Variants in GLB1 observed in about 807,000 individuals in gnomAD.
The protein encoded by GLB1 is galactosidase beta 1, also known as beta-galactosidase.
GLB1 carries 56 observed loss-of-function variants against 74.0 expected under a neutral mutation model. That is an observed-to-expected ratio of 0.76 (90% CI 0.61 to 0.94). The LOEUF is 0.94. Among genes scored for constraint, GLB1 ranks in the 40% least tolerant of loss-of-function variants. The pLI is 0.00. For missense variants in GLB1, 787 were observed against 845.5 expected (o/e 0.93, Z 0.86); for synonymous variants, 323 against 323.6 (o/e 1.00, Z 0.02).
the GLB1 span, among the ~76,000 whole-genome samples, chr3:32,987,428 C>T: frequency 6.6e-6 from 1 of 152,198 alleles, no homozygotes; most frequent in African/African-American, 2.4e-5. Flanking sequence ...CTGCACCCTT[C>T]CCTCACTTCC....
intron 12 of GLB1, 86 bp downstream of exon 12, chr3:33,021,480 G>A (rs908868630): frequency 5.5e-6 from 8 of 1,454,118 alleles, no homozygotes; most frequent in African/African-American, 2.8e-5. Flanking sequence ...TTTGGCCCCT[G>A]AATTCAGAAT....
chr3:32,994,150 A>G (rs1696267583), downstream of GLB1, among the ~76,000 whole-genome samples: 1 of 152,202 alleles, frequency 6.6e-6, no homozygotes, highest in African/African-American at 2.4e-5. Flanking sequence ...ATTCTTCATA[A>G]TAGTCAAAAC....
At chr3:32,972,863 T>G in the GLB1 span, among the ~76,000 whole-genome samples, 2 of 152,158 alleles carry the variant, frequency 1.3e-5, no homozygotes, top group African/African-American at 4.8e-5. Flanking sequence ...AACCCGCCTG[T>G]TTTTCTGTGG....
the GLB1 span, among the ~76,000 whole-genome samples, chr3:32,976,769 A>T: frequency 6.6e-6 from 1 of 152,216 alleles, no homozygotes; most frequent in Admixed American, 6.5e-5. Context: ...TAGATGGGAC[A>T]GGTTTAATTT....
In GLB1 at chr3:33,089,530, G is replaced by T. The variant is rs558745913; in HGVS notation, c.75+7481C>A. On this transcript the variant is annotated intron_variant, in intron 1 of 15. Transcript: ENST00000307363. ...AGCCCATGAAAACATGCTCAACATG[G>T]ATAAACAAAATGTGGCATGAAAATA... Among the ~76,000 whole-genome samples, 26 of 152,194 alleles carry T rather than the reference G, an allele frequency of 1.7e-4. No individual in the cohort carries two copies. The South Asian group carries it at 3.5e-3, about 21-fold the overall frequency.
rs72555371 is a variant in GLB1 at position 32,997,307 on chromosome 3, T to C, written c.1772A>G (p.Tyr591Cys). 3 of 1,613,882 alleles carry C rather than the reference T, an allele frequency of 1.9e-6. No individual in the cohort carries two copies. The highest frequency in any genetic ancestry group is 2.5e-6 in the Non-Finnish European group (3 of 1,180,008). The change falls in exon 16 of 16, where the codon TAT (tyrosine) becomes TGT (cysteine). Residue 591 changes from tyrosine (Y) to cysteine (C), a missense_variant. By Grantham distance (194) the Tyr-to-Cys change is radical (BLOSUM62 -2). Transcript: ENST00000307363. ...CAACTGAGGGCCCCGGGCTGGCCAA[T>C]AGCGGCCAAGGTTAAAGCCATTAAT... Reference protein sequence around the residue: ...VWINGFNLGRYWPARGPQLTL... With the variant: ...VWINGFNLGRCWPARGPQLTL...
intron 10 of GLB1, among the ~76,000 whole-genome samples, chr3:33,032,607 T>G (rs1213509506): frequency 1.3e-5 from 2 of 152,158 alleles, no homozygotes; most frequent in Non-Finnish European, 2.9e-5. Flanking sequence ...AATTTTCTTG[T>G]GGAGACAGTC....
chr3:33,080,475 C>T (rs1333082839), intron 1 of GLB1, among the ~76,000 whole-genome samples: 2 of 152,238 alleles, frequency 1.3e-5, no homozygotes, highest in African/African-American at 2.4e-5. Context: ...TCAACTCACA[C>T]TCAGATCTCA....
At chr3:33,018,332 G>T in intron 13 of GLB1, 116 bp downstream of exon 13, 2 of 671,204 alleles carry the variant, frequency 3.0e-6, no homozygotes, top group South Asian at 1.5e-5. Context: ...AAAGATGATG[G>T]GTAGAGCCTG....
chr3:33,071,841 C>T (rs1241436522), intron 2 of GLB1, among the ~76,000 whole-genome samples: 1 of 152,076 alleles, frequency 6.6e-6, no homozygotes, highest in African/African-American at 2.4e-5. Flanking sequence ...CCTTCTAGAC[C>T]CTCATTGCAG....
At position 33,014,185 on chromosome 3, in the gene GLB1, A is replaced by T. The variant is rs1697144237; in HGVS notation, c.1605T>A (p.His535Gln). The change falls in exon 15 of 16, where the codon CAT (histidine) becomes CAA (glutamine). Residue 535 changes from histidine (H) to glutamine (Q), a missense_variant. Transcript: ENST00000307363. The stretch of plus-strand genomic sequence containing the variant: ...ATGAGTTGTGGGCCCAGGCTTCATC[A>T]TGGTGGCCACTGTCACGGTGTCCCC... Reference protein sequence around the residue: ...GGWGHRDSGHHDEAWAHNSSN... With the variant: ...GGWGHRDSGHQDEAWAHNSSN... 1.2e-6 allele frequency: 2 copies of T among 1,613,986 alleles called. No individual in the cohort carries two copies. Among genetic ancestry groups the T allele is most frequent in the Non-Finnish European group, 8.5e-7 (1 of 1,180,026 alleles).
At chr3:33,094,103 C>G (rs371857459) in intron 1 of GLB1, 1 of 1,614,244 alleles carries the variant, frequency 6.2e-7, no homozygotes. Context: ...GGCTCTCTGC[C>G]AGATACGAGC....
intron 1 of GLB1, among the ~76,000 whole-genome samples, chr3:33,084,274 G>A (rs1377647179): frequency 1.3e-5 from 2 of 152,240 alleles, no homozygotes; most frequent in African/African-American, 2.4e-5. Context: ...TGCATAACAC[G>A]GGCTTCTGAG....
At chr3:32,994,663 G>GT (rs1696276720), downstream of GLB1, among the ~76,000 whole-genome samples, 1 of 152,168 alleles carries the variant, frequency 6.6e-6, no homozygotes, top group Non-Finnish European at 1.5e-5. Context: ...GCTCATGCCT[G>GT]TAATCCCGGC....
chr3:33,016,743 C>A lies in GLB1; in HGVS notation c.1445G>T (p.Arg482Leu). ...TLDLLVENMG[R>L]VNYGAYINDF... Reference sequence around the variant, plus strand: ...GTTGATATATGCACCATAGTTCACACGTCCCATGTTCTCTACCAGAAGGTC... The same window carrying A: ...GTTGATATATGCACCATAGTTCACAAGTCCCATGTTCTCTACCAGAAGGTC... Residue 482 changes from arginine to leucine, a missense_variant, in exon 14 of 16, where the codon CGT becomes CTT. Transcript: ENST00000307363. 3.1e-6 allele frequency: 5 copies of A among 1,614,108 alleles called. No individual in the cohort carries two copies. The highest frequency in any genetic ancestry group is 4.2e-6 in the Non-Finnish European group (5 of 1,179,982).
chr3:33,077,038 A>G, intron 1 of GLB1: 1 of 1,282,074 alleles, frequency 7.8e-7, no homozygotes, highest in African/African-American at 1.5e-5. Flanking sequence ...AGTCTGGGGA[A>G]CATGGCGAGA....
At chr3:33,083,705 T>A (rs947907950) in intron 1 of GLB1, among the ~76,000 whole-genome samples, 8 of 152,028 alleles carry the variant, frequency 5.3e-5, no homozygotes, top group African/African-American at 1.9e-4. Context: ...CGTTAACGCA[T>A]CCAATACTGG....
chr3:33,078,751 G>A (rs551777512), intron 1 of GLB1, among the ~76,000 whole-genome samples: 20 of 152,266 alleles, frequency 1.3e-4, no homozygotes, highest in South Asian at 4.1e-4. Context: ...TACAATATTC[G>A]TAATATGAAA....
rs1259040898 is a variant in GLB1 at position 33,000,078 on chromosome 3, T to C, written c.1735-2734A>G. Among the ~76,000 whole-genome samples, 10 of 151,828 alleles carry C rather than the reference T, an allele frequency of 6.6e-5. No homozygotes were observed. The East Asian group carries it at 2.0e-3, about 30-fold the overall frequency. On this transcript the variant is annotated intron_variant, in intron 15 of 15. Coordinates refer to ENST00000307363, the MANE Select transcript of GLB1 (RefSeq NM_000404.4). ...CCTTAGCCTCCCACATAGCTGGGAC[T>C]ACGGGCATGCCCCACCATGCCTGGC... is the stretch of plus-strand genomic sequence containing the variant.
Sources: gnomAD v4.1 joint callset for allele counts (sites outside exome capture counted in the v4.1 genomes callset) on GRCh38, gnomAD v4.1.1 for gene constraint, MANE v1.5 for transcripts, NCBI Gene and HGNC (gene_info 2026-07-23, HGNC 2026-07-21) for gene names.